SYTL5: variants seen among roughly 807,000 people sequenced by gnomAD.
SYTL5 encodes synaptotagmin-like protein 5.
In SYTL5, 34 loss-of-function variants were observed where a neutral mutation model predicts 55.9. The ratio of observed to expected loss-of-function variants is 0.61; its 90% CI spans 0.46 to 0.81. SYTL5 has a LOEUF of 0.81. Among genes scored for constraint, SYTL5 ranks in the 30% least tolerant of loss-of-function variants. The pLI, the probability that SYTL5 is intolerant of heterozygous loss-of-function variation, is 0.00. For missense variants in SYTL5, 637 were observed against 546.7 expected, an observed-to-expected ratio of 1.17 and a Z score of -1.65; for synonymous variants, 221 against 188.7, an observed-to-expected ratio of 1.17 and a Z score of -1.40.
intron 3 of SYTL5, 63 bp from the exon 4 acceptor site, chrX:38,071,984 T>G: frequency 1.3e-6 from 1 of 797,709 alleles, no homozygotes; most frequent in Non-Finnish European, 1.9e-6. Context: ...TTAGGGATTT[T>G]TGAGAGTTAA....
intron 5 of SYTL5, among the ~76,000 whole-genome samples, chrX:38,075,555 T>C (rs1936370179): frequency 9.0e-6 from 1 of 111,533 alleles, no homozygotes; most frequent in Non-Finnish European, 1.9e-5. Flanking sequence ...GAAGAGTGAC[T>C]CCAGGCAGAG....
intron 2 of SYTL5, 74 bp from the exon 3 acceptor site, chrX:38,054,139 A>G (rs1935703212): frequency 2.6e-6 from 2 of 768,138 alleles, no homozygotes; most frequent in Non-Finnish European, 3.8e-6. Context: ...TATTTTAGAC[A>G]TTGTTTTAGA....
At chrX:37,968,939 T>C in the SYTL5 span, among the ~76,000 whole-genome samples, 1 of 112,109 alleles carries the variant, frequency 8.9e-6, no homozygotes, top group South Asian at 3.7e-4. Context: ...ATCTACAAAA[T>C]GGAACAATTT....
At chrX:38,107,988 T>C (rs1023474800) in intron 11 of SYTL5, among the ~76,000 whole-genome samples, 3 of 112,458 alleles carry the variant, frequency 2.7e-5, no homozygotes, top group South Asian at 3.7e-4. Flanking sequence ...GCTCCTGAGA[T>C]AGCTCAAGCT....
the SYTL5 span, among the ~76,000 whole-genome samples, chrX:37,994,045 A>G: frequency 7.2e-5 from 8 of 111,685 alleles, no homozygotes; most frequent in African/African-American, 2.6e-4. Context: ...TAGGGTGACC[A>G]GGTTCCTTTC....
chrX:37,975,128 G>A, the SYTL5 span, among the ~76,000 whole-genome samples: 11 of 112,333 alleles, frequency 9.8e-5, no homozygotes, highest in South Asian at 3.7e-4. Context: ...GCAGGTTTCC[G>A]CTTTGGCCAA....
intron 9 of SYTL5, among the ~76,000 whole-genome samples, chrX:38,097,029 A>T (rs1401418571): frequency 1.8e-5 from 2 of 111,349 alleles, no homozygotes; most frequent in Non-Finnish European, 3.8e-5. Context: ...AAACCATTGA[A>T]ATCTTTTCAT....
At chrX:37,978,587 T>C in the SYTL5 span, among the ~76,000 whole-genome samples, 1 of 112,156 alleles carries the variant, frequency 8.9e-6, no homozygotes, top group Non-Finnish European at 1.9e-5. Flanking sequence ...GGAAATTTTA[T>C]TGTTTCTTTC....
intron 1 of SYTL5, among the ~76,000 whole-genome samples, chrX:38,011,444 A>T (rs1934181693): frequency 9.1e-6 from 1 of 109,938 alleles, no homozygotes; most frequent in African/African-American, 3.3e-5. Flanking sequence ...ATCCTGGCTA[A>T]CATGGTGAAA....
At chrX:38,100,752 T>C (rs1937063014) in intron 9 of SYTL5, among the ~76,000 whole-genome samples, 1 of 111,173 alleles carries the variant, frequency 9.0e-6, no homozygotes, top group South Asian at 3.7e-4. Context: ...TAAAATGATA[T>C]AGATAAGCAC....
In SYTL5 at chrX:38,096,172, A is replaced by G. The variant is rs766359584; in HGVS notation, c.1000A>G (p.Thr334Ala). ...TGAGTTAGATTTGAGTGAGTCATTT[A>G]CAGAAGACTCAGAGGATACTGTAAG... ...RSELDLSESF[T>A]EDSEDTVSIR... is the part of the protein sequence containing the mutation. Residue 334 changes from threonine to alanine, a missense_variant, in exon 9 of 17, where the codon ACA (threonine) becomes GCA (alanine). Thr to Ala is a moderately conservative substitution (Grantham distance 58, BLOSUM62 0). Coordinates refer to ENST00000297875, the MANE Select transcript of SYTL5 (RefSeq NM_138780.3). 2.5e-6 allele frequency: 3 copies of G among 1,195,399 alleles called. No individual in the cohort carries two copies. The highest frequency in any genetic ancestry group is 2.2e-5 in the Admixed American group (1 of 45,255).
At chrX:37,969,431 C>A in the SYTL5 span, among the ~76,000 whole-genome samples, 1 of 111,777 alleles carries the variant, frequency 8.9e-6, no homozygotes, top group Non-Finnish European at 1.9e-5. Flanking sequence ...GATTAGAGCT[C>A]TCACATGTAG....
chrX:38,080,001 T>A (rs1387698680), intron 6 of SYTL5, among the ~76,000 whole-genome samples: 1 of 111,993 alleles, frequency 8.9e-6, no homozygotes, highest in Non-Finnish European at 1.9e-5. Context: ...TTAATTTTTT[T>A]ATCTGAAATT....
chrX:37,993,816 T>G, the SYTL5 span, among the ~76,000 whole-genome samples: 3 of 112,547 alleles, frequency 2.7e-5, no homozygotes, highest in African/African-American at 9.7e-5. Context: ...ATTGACACAA[T>G]TTTTTGCTAA....
intron 9 of SYTL5, among the ~76,000 whole-genome samples, chrX:38,097,406 A>G (rs1358968387): frequency 9.0e-6 from 1 of 110,909 alleles, no homozygotes; most frequent in Non-Finnish European, 1.9e-5. Context: ...GTATTTATAT[A>G]TACTAGCAAT....
At chrX:38,037,035 A>G (rs1295547983) in intron 2 of SYTL5, among the ~76,000 whole-genome samples, 17 of 111,612 alleles carry the variant, frequency 1.5e-4, no homozygotes, top group African/African-American at 4.6e-4. Context: ...CTCACCTCCT[A>G]GTTTTCATGC....
the SYTL5 span, among the ~76,000 whole-genome samples, chrX:37,904,137 C>T: frequency 9.1e-6 from 1 of 109,872 alleles, no homozygotes; most frequent in East Asian, 2.8e-4. Context: ...CGCAAGAAGA[C>T]ACATTGTCTT....
intron 10 of SYTL5, among the ~76,000 whole-genome samples, chrX:38,105,661 A>G (rs1480414460): frequency 1.8e-5 from 2 of 112,191 alleles, no homozygotes; most frequent in African/African-American, 6.5e-5. Flanking sequence ...TGGGTGCCCA[A>G]GATATTTTCC....
the SYTL5 span, among the ~76,000 whole-genome samples, chrX:37,986,370 G>A: frequency 1.8e-5 from 2 of 110,993 alleles, no homozygotes; most frequent in Non-Finnish European, 3.8e-5. Context: ...GACCAAGCAC[G>A]GGGTATGTGA....
Sources: gnomAD v4.1 joint callset for allele counts (sites outside exome capture counted in the v4.1 genomes callset) on GRCh38, gnomAD v4.1.1 for gene constraint, MANE v1.5 for transcripts, NCBI Gene and HGNC (gene_info 2026-07-23, HGNC 2026-07-21) for gene names.